The following ANKRD34C variants were observed in gnomAD, a reference collection of about 807,000 sequenced individuals.
The protein encoded by ANKRD34C is ankyrin repeat domain-containing protein 34C.
For missense variants in ANKRD34C, 563 were observed against 653.0 expected, an observed-to-expected ratio of 0.86 and a Z score of 1.50; for synonymous variants, 260 against 253.6, an observed-to-expected ratio of 1.03 and a Z score of -0.24.
chr15:79,292,748 C>T (rs1433075495), intron 1 of ANKRD34C, among the ~76,000 whole-genome samples: 2 of 152,200 alleles, frequency 1.3e-5, no homozygotes, highest in African/African-American at 4.8e-5. Flanking sequence ...TCCTAATAGT[C>T]TTTTTGATGT....
chr15:79,291,597 CACACAGAGAG>C (rs761446892), intron 1 of ANKRD34C, among the ~76,000 whole-genome samples: 3,690 of 110,778 alleles, frequency 0.033, 45 homozygotes, highest in Admixed American at 0.065. Flanking sequence ...CACACACACA[CACACAGAGAG>C]AGAGAGAGAG....
At chr15:79,288,290 G>A (rs922508584) in intron 1 of ANKRD34C, among the ~76,000 whole-genome samples, 3 of 152,216 alleles carry the variant, frequency 2.0e-5, no homozygotes, top group Non-Finnish European at 4.4e-5. Context: ...GGAGGAGGAA[G>A]AGCAAATATA....
At chr15:79,288,571 G>T (rs117920674) in intron 1 of ANKRD34C, among the ~76,000 whole-genome samples, 1 of 152,218 alleles carries the variant, frequency 6.6e-6, no homozygotes, top group Non-Finnish European at 1.5e-5. Context: ...CAGGTGTGGG[G>T]GTTCACCATT....
At chr15:79,290,644 G>A (rs2058656772) in intron 1 of ANKRD34C, among the ~76,000 whole-genome samples, 1 of 152,176 alleles carries the variant, frequency 6.6e-6, no homozygotes, top group Admixed American at 6.5e-5. Context: ...TTCTAAGACA[G>A]CAAACTTGGA....
Position 79,294,177 on chromosome 15 carries a change from G to A in ANKRD34C, c.893G>A (p.Arg298Lys). ...ISFPKRGPLS[R>K]TNSIDSKDPT... ...TTCCCTAAAAGGGGGCCCCTCTCCAGAACCAACAGTATCGATAGCAAAGAC... is the reference window on the plus strand; with the variant it reads ...TTCCCTAAAAGGGGGCCCCTCTCCAAAACCAACAGTATCGATAGCAAAGAC... The change falls in exon 2 of 2, where the codon AGA becomes AAA. Residue 298 changes from arginine (R) to lysine (K), a missense_variant. Physicochemically the swap from Arg to Lys is conservative, Grantham distance 26 (BLOSUM62 2). Coordinates refer to ENST00000421388, the MANE Select transcript of ANKRD34C (RefSeq NM_001146341.2). 6.4e-7 allele frequency: 1 copy of A among 1,551,584 alleles called. No homozygotes were observed. Among genetic ancestry groups the A allele is most frequent in the Non-Finnish European group, 8.7e-7 (1 of 1,146,988 alleles).
intron 1 of ANKRD34C, among the ~76,000 whole-genome samples, chr15:79,284,127 C>A (rs993774197): frequency 6.6e-6 from 1 of 152,162 alleles, no homozygotes; most frequent in African/African-American, 2.4e-5. Flanking sequence ...TAAGCCAGTG[C>A]ACCACAAATT....
At chr15:79,287,336 T>C (rs2058648051) in intron 1 of ANKRD34C, among the ~76,000 whole-genome samples, 1 of 152,204 alleles carries the variant, frequency 6.6e-6, no homozygotes, top group African/African-American at 2.4e-5. Context: ...AGTATTACTA[T>C]AAAGATTAAA....
chr15:79,290,223 C>G (rs1469700803), intron 1 of ANKRD34C, among the ~76,000 whole-genome samples: 1 of 132,620 alleles, frequency 7.5e-6, no homozygotes, highest in African/African-American at 2.7e-5. Context: ...GAGGCAGAGT[C>G]TCACTATTTT....
chr15:79,284,583 C>G (rs1274058919), intron 1 of ANKRD34C, among the ~76,000 whole-genome samples: 2 of 152,144 alleles, frequency 1.3e-5, no homozygotes, highest in Non-Finnish European at 2.9e-5. Flanking sequence ...GAACACTTCC[C>G]TCAGCACACT....
chr15:79,290,874 G>T (rs1037646286), intron 1 of ANKRD34C, among the ~76,000 whole-genome samples: 4 of 152,154 alleles, frequency 2.6e-5, no homozygotes, highest in Non-Finnish European at 5.9e-5. Flanking sequence ...CTACCAACAG[G>T]TTCCTGTTGC....
intron 1 of ANKRD34C, among the ~76,000 whole-genome samples, chr15:79,288,212 A>G (rs2058650233): frequency 1.3e-5 from 2 of 152,208 alleles, no homozygotes; most frequent in Admixed American, 1.3e-4. Context: ...AAAAACATAC[A>G]TATTAACAGT....
intron 1 of ANKRD34C, among the ~76,000 whole-genome samples, chr15:79,287,319 AC>A (rs2058648010): frequency 6.6e-6 from 1 of 152,200 alleles, no homozygotes; most frequent in South Asian, 2.1e-4. Flanking sequence ...AATAGTACCC[AC>A]CTCATAGTAT....
intron 1 of ANKRD34C, among the ~76,000 whole-genome samples, chr15:79,288,977 C>T (rs572404687): frequency 1.8e-4 from 27 of 151,972 alleles, no homozygotes; most frequent in East Asian, 5.8e-4. Context: ...TGTGCCACCA[C>T]GCCTGGCTAA....
chr15:79,287,788 T>TCAGCTTCTC (rs1168464552), intron 1 of ANKRD34C, among the ~76,000 whole-genome samples: 1 of 152,206 alleles, frequency 6.6e-6, no homozygotes, highest in Non-Finnish European at 1.5e-5. Flanking sequence ...TCTCAGTGTG[T>TCAGCTTCTC]TTACTTCATT....
chr15:79,290,717 C>T (rs993312984), intron 1 of ANKRD34C, among the ~76,000 whole-genome samples: 2 of 152,180 alleles, frequency 1.3e-5, no homozygotes, highest in African/African-American at 2.4e-5. Flanking sequence ...TGGCTGAAAG[C>T]GAGACACAAG....
rs996848300 is a variant in ANKRD34C, at chr15:79,294,137, A to C, written c.853A>C (p.Ile285Leu). The change falls in exon 2 of 2, where the codon ATC (isoleucine) becomes CTC (leucine). Residue 285 changes from isoleucine to leucine, a missense_variant. Transcript: ENST00000421388. ...CACAGACAACGAGGTCATCAAGAGCATCAGTGATATATCCTTCCCTAAAAG... is the reference window on the plus strand; with the variant it reads ...CACAGACAACGAGGTCATCAAGAGCCTCAGTGATATATCCTTCCCTAAAAG... ...ASTDNEVIKS[I>L]SDISFPKRGP... is the part of the protein sequence containing the mutation. 2 of 1,551,436 alleles carry C rather than the reference A, an allele frequency of 1.3e-6. No individual in the cohort carries two copies. Among genetic ancestry groups the C allele is most frequent in the African/African-American group, 2.7e-5 (2 of 73,042 alleles).
rs1224402831 is a variant in ANKRD34C, at chr15:79,293,631, A to G, written c.347A>G (p.Asp116Gly). ...LENGADPSLE[D>G]RTGASALVYA... ...AATGGAGCAGACCCCAGCCTTGAAG[A>G]TCGCACTGGGGCTTCAGCTCTGGTT... The change falls in exon 2 of 2, where the codon GAT becomes GGT. Residue 116 changes from aspartate to glycine, a missense_variant. Physicochemically the swap from Asp to Gly is moderately conservative, Grantham distance 94. Transcript: ENST00000421388. 1 of 1,551,700 alleles carries G rather than the reference A, an allele frequency of 6.4e-7. No individual in the cohort carries two copies. The highest frequency in any genetic ancestry group is 8.7e-7 in the Non-Finnish European group (1 of 1,146,992).
At position 79,294,513 on chromosome 15, in the gene ANKRD34C, G is replaced by A. The variant is rs140361328; in HGVS notation, c.1229G>A (p.Ser410Asn). 3.2e-5 allele frequency: 49 copies of A among 1,551,684 alleles called. No homozygotes were observed. The African/African-American group carries it at 5.7e-4, about 18-fold the overall frequency. The change falls in exon 2 of 2, where the codon AGC (serine) becomes AAC (asparagine). Residue 410 changes from serine to asparagine, a missense_variant. Coordinates refer to ENST00000421388, the MANE Select transcript of ANKRD34C (RefSeq NM_001146341.2). Reference sequence around the variant, plus strand: ...CCTTTAGATAGAAAGAAGCTCAACAGCTCTCACTTGTCTCTTTTCCATGGC... The same window carrying A: ...CCTTTAGATAGAAAGAAGCTCAACAACTCTCACTTGTCTCTTTTCCATGGC... The part of the protein sequence containing the change: ...KGPLDRKKLN[S>N]SHLSLFHGSR...
chr15:79,292,498 G>A (rs1050409953), intron 1 of ANKRD34C, among the ~76,000 whole-genome samples: 1 of 152,206 alleles, frequency 6.6e-6, no homozygotes, highest in Non-Finnish European at 1.5e-5. Context: ...GAAGGGAATA[G>A]CATGGCTTTA....
Sources: gnomAD v4.1 joint callset for allele counts (sites outside exome capture counted in the v4.1 genomes callset) on GRCh38, gnomAD v4.1.1 for gene constraint, MANE v1.5 for transcripts, NCBI Gene and HGNC (gene_info 2026-07-23, HGNC 2026-07-21) for gene names.